LTBP2: variants seen among roughly 807,000 people sequenced by gnomAD.
The protein encoded by LTBP2 is latent transforming growth factor beta binding protein 2.
LTBP2 carries 103 observed loss-of-function variants against 210.6 expected under a neutral mutation model. The observed-to-expected ratio is 0.49, with a 90% CI of 0.42 to 0.58. The LOEUF (loss-of-function observed/expected upper bound fraction) is 0.58, where lower values mean the gene tolerates loss of function less well. Among genes scored for constraint, LTBP2 ranks in the 20% least tolerant of loss-of-function variants. The pLI is 0.00. For missense variants in LTBP2, 2,313 were observed against 2,494.5 expected (o/e 0.93, Z 1.55); for synonymous variants, 1,007 against 1,015.0 (o/e 0.99, Z 0.15).
intron 9 of LTBP2, among the ~76,000 whole-genome samples, chr14:74,534,975 A>G (rs887710715): frequency 6.6e-6 from 1 of 152,114 alleles, no homozygotes; most frequent in Non-Finnish European, 1.5e-5. Context: ...CAGGAGGAAA[A>G]GCAACTGGTG....
At position 74,505,062 on chromosome 14, in the gene LTBP2, G is replaced by A. The variant is rs1043183043; in HGVS notation, c.4290C>T (p.Asn1430=). The A allele has an allele frequency of 1.2e-6, 2 of 1,614,160 alleles. No homozygotes were observed. The highest frequency in any genetic ancestry group is 1.7e-6 in the Non-Finnish European group (2 of 1,180,040). The change falls in exon 29 of 36, where the codon AAC becomes AAT. Residue 1430 remains asparagine, a synonymous_variant. Coordinates refer to ENST00000261978, the MANE Select transcript of LTBP2 (RefSeq NM_000428.3). ...HAPCSSVLGR[N]TTQAECCCTQ... is the part of the protein sequence containing the mutation. Reference sequence around the variant, plus strand: ...TGCAGCAGCATTCAGCCTGTGTGGTGTTCCGGCCCAGGACACTGGAGCAGG... The same window carrying A: ...TGCAGCAGCATTCAGCCTGTGTGGTATTCCGGCCCAGGACACTGGAGCAGG...
At chr14:74,601,774 A>G (rs535113368) in intron 2 of LTBP2, among the ~76,000 whole-genome samples, 6 of 152,292 alleles carry the variant, frequency 3.9e-5, no homozygotes, top group African/African-American at 1.4e-4. Flanking sequence ...ATCATAGAAT[A>G]ACGTATGATG....
chr14:74,522,416 T>C (rs699370), intron 16 of LTBP2, among the ~76,000 whole-genome samples: 102,131 of 152,040 alleles, frequency 0.67, 34,785 homozygotes, highest in African/African-American at 0.79. Flanking sequence ...GACCTCCCCC[T>C]ACGGATGACC....
Position 74,527,377 on chromosome 14 carries a change from A to G in LTBP2, c.2369-11T>C. ...CAGCCTGAGAGTCACCTGGAAGGGAAAGGTAACAGCGTGAGCTCAGGGAGG... is the reference window on the plus strand; with the variant it reads ...CAGCCTGAGAGTCACCTGGAAGGGAGAGGTAACAGCGTGAGCTCAGGGAGG... On this transcript the variant is annotated splice_polypyrimidine_tract_variant and intron_variant, in intron 12 of 35. Transcript: ENST00000261978. The G allele has an allele frequency of 1.2e-6, 2 of 1,610,448 alleles. No individual in the cohort carries two copies. The highest frequency in any genetic ancestry group is 1.7e-4 in the Middle Eastern group (1 of 6,054).
intron 18 of LTBP2, among the ~76,000 whole-genome samples, chr14:74,514,961 G>A (rs1323143412): frequency 6.6e-6 from 1 of 152,144 alleles, no homozygotes; most frequent in African/African-American, 2.4e-5. Context: ...TCCCAGATGA[G>A]GTGTGTGTCT....
chr14:74,601,318 G>A (rs938199232), intron 2 of LTBP2, among the ~76,000 whole-genome samples: 4 of 152,232 alleles, frequency 2.6e-5, no homozygotes, highest in South Asian at 2.1e-4. Flanking sequence ...GGGTGAGGTG[G>A]GAGGATCACT....
intron 3 of LTBP2, among the ~76,000 whole-genome samples, chr14:74,569,150 T>TGGAGGGAA (rs1178021478): frequency 1.1e-5 from 1 of 89,812 alleles, no homozygotes; most frequent in East Asian, 3.6e-4. Context: ...AAGATAGAGA[T>TGGAGGGAA]GGAGGGAAGG....
In LTBP2 at chr14:74,555,654, C is replaced by G. The variant is rs2087719538; in HGVS notation, c.870G>C (p.Gln290His). The change falls in exon 4 of 36, where the codon CAG (glutamine) becomes CAC (histidine). Residue 290 changes from glutamine (Q) to histidine (H), a missense_variant. Gln to His is a conservative substitution (Grantham distance 24). Around this residue, in one of 3 missense-constraint regions of LTBP2, gnomAD observed 1,867 missense variants for 1,976.9 expected, o/e 0.94. Transcript: ENST00000261978. ...SGLSQTHPSQ[Q>H]HVGLSRTVRL... Reference sequence around the variant, plus strand: ...GGACAGTGCGGGACAACCCCACGTGCTGCTGGGAAGGGTGGGTCTGGCTGA... The same window carrying G: ...GGACAGTGCGGGACAACCCCACGTGGTGCTGGGAAGGGTGGGTCTGGCTGA... 6.3e-7 allele frequency: 1 copy of G among 1,577,494 alleles called. No homozygotes were observed. Among genetic ancestry groups the G allele is most frequent in the African/African-American group, 1.3e-5 (1 of 74,322 alleles).
rs1256845123 is a variant in LTBP2, at chr14:74,526,081, C to T, written c.2422G>A (p.Val808Ile). 3 of 1,605,404 alleles carry T rather than the reference C, an allele frequency of 1.9e-6. No homozygotes were observed. The highest frequency in any genetic ancestry group is 2.7e-5 in the African/African-American group (2 of 74,752). ...TTSVTHAPAW[V>I]TGNATTPPMP... is the part of the protein sequence containing the mutation. ...GCCAGGAAGAGGGACTCACCTGTGA[C>T]CCAGGCAGGTGCATGAGTGACACTG... is the stretch of plus-strand genomic sequence containing the variant. Residue 808 changes from valine to isoleucine, a missense_variant, in exon 14 of 36, where the codon GTC becomes ATC. Val to Ile is a conservative substitution (Grantham distance 29). Transcript: ENST00000261978.
intron 3 of LTBP2, among the ~76,000 whole-genome samples, chr14:74,557,903 G>A (rs1275246917): frequency 6.6e-6 from 1 of 152,178 alleles, no homozygotes; most frequent in African/African-American, 2.4e-5. Context: ...AGACCCCAGT[G>A]GGAGCTCAGC....
At chr14:74,610,695 G>A (rs1057448322) in intron 1 of LTBP2, among the ~76,000 whole-genome samples, 1 of 152,224 alleles carries the variant, frequency 6.6e-6, no homozygotes, top group African/African-American at 2.4e-5. Context: ...CGGCGCCCGC[G>A]GTGGGCAGGG....
intron 3 of LTBP2, among the ~76,000 whole-genome samples, chr14:74,562,212 GAA>G (rs990382285): frequency 7.4e-6 from 1 of 135,078 alleles, no homozygotes; most frequent in Non-Finnish European, 1.6e-5. Context: ...CTCCGTCTCA[GAA>G]AAAAAAAAAG....
In LTBP2 at chr14:74,502,709, A is replaced by T. The variant is rs763949360; in HGVS notation, c.5114T>A (p.Leu1705His). Residue 1705 changes from leucine (L) to histidine (H), a missense_variant, in exon 34 of 36, where the codon CTT becomes CAT. Around this residue, in one of 3 missense-constraint regions of LTBP2, gnomAD observed 443 missense variants for 501.4 expected, o/e 0.88. Transcript: ENST00000261978. The stretch of plus-strand genomic sequence containing the variant: ...TTCTGAGGGCTGCAAAGGAGACTCA[A>T]GGATGGGTGTGCGGTCCGCTGAGTG... ...AGHSADRTPILESPLQPSELQ... is the reference protein window; with the variant it reads ...AGHSADRTPIHESPLQPSELQ... 3.7e-6 allele frequency: 6 copies of T among 1,614,202 alleles called. No individual in the cohort carries two copies. In the South Asian group the frequency reaches 6.6e-5, roughly 18 times the overall value.
intron 8 of LTBP2, among the ~76,000 whole-genome samples, chr14:74,547,617 G>A (rs560243242): frequency 5.5e-4 from 84 of 152,278 alleles, no homozygotes; most frequent in African/African-American, 1.8e-3. Context: ...AAACTTCTAA[G>A]GCTGCCCCTG....
rs773513492 is a variant in LTBP2 at position 74,507,182 on chromosome 14, T to C, written c.3904A>G (p.Ile1302Val). ...GFHMAPNGDC[I>V]DIDECANDTM... ...TCTCTCCTCCCTCCCTACTCACCAA[T>C]GCAGTCTCCGTTCGGGGCCATGTGG... Residue 1302 changes from isoleucine (I) to valine (V), a missense_variant, in exon 26 of 36, where the codon ATT becomes GTT. Physicochemically the swap from Ile to Val is conservative, Grantham distance 29. Around this residue, in one of 3 missense-constraint regions of LTBP2, gnomAD observed 1,867 missense variants for 1,976.9 expected, o/e 0.94. Transcript: ENST00000261978. 1 of 1,614,118 alleles carries C rather than the reference T, an allele frequency of 6.2e-7. No individual in the cohort carries two copies. The highest frequency in any genetic ancestry group is 8.5e-7 in the Non-Finnish European group (1 of 1,179,986).
intron 8 of LTBP2, among the ~76,000 whole-genome samples, chr14:74,537,523 T>C (rs1388142783): frequency 6.6e-6 from 1 of 152,232 alleles, no homozygotes. Context: ...TGCCGTCTTC[T>C]AGCTTTGACT....
chr14:74,539,135 A>G (rs753993993), intron 8 of LTBP2, among the ~76,000 whole-genome samples: 4 of 152,380 alleles, frequency 2.6e-5, no homozygotes, highest in South Asian at 2.1e-4. Flanking sequence ...GGCCATGGGT[A>G]CACATGGTCA....
intron 3 of LTBP2, among the ~76,000 whole-genome samples, chr14:74,566,049 C>T (rs1036412832): frequency 1.3e-5 from 2 of 151,664 alleles, no homozygotes; most frequent in Admixed American, 6.6e-5. Flanking sequence ...TTCACGGACA[C>T]GTGCGTGTGC....
Position 74,572,276 on chromosome 14 carries a change from A to G in LTBP2, c.830+13578T>C, listed in dbSNP as rs111655007. ...AAATCTTCCCCTTTAGCCCTTCTGC[A>G]GAGGTGGGGTGTGTGTGTGTGTGTG... On this transcript the variant is annotated intron_variant, in intron 3 of 35. Transcript: ENST00000261978. Among the ~76,000 whole-genome samples, 702 of 146,998 alleles carry G rather than the reference A, an allele frequency of 4.8e-3. 15 individuals carry two copies. In the South Asian group the frequency reaches 0.08, roughly 17 times the overall value.
Sources: gnomAD v4.1 joint callset for allele counts (sites outside exome capture counted in the v4.1 genomes callset) on GRCh38, gnomAD v4.1.1 for gene constraint, gnomAD v4.1.1 regional missense constraint, MANE v1.5 for transcripts, NCBI Gene and HGNC (gene_info 2026-07-23, HGNC 2026-07-21) for gene names.